The following OTUD5 variants were observed in gnomAD, a reference collection of about 807,000 sequenced individuals.
The protein encoded by OTUD5 is OTU deubiquitinase 5.
OTUD5 carries 2 observed loss-of-function variants against 36.3 expected under a neutral mutation model. That is an observed-to-expected ratio of 0.06 (90% CI 0.02 to 0.17). The LOEUF (loss-of-function observed/expected upper bound fraction) is 0.17, where lower values mean the gene tolerates loss of function less well. Ranked by LOEUF, OTUD5 falls within the 10% of genes least tolerant of loss-of-function variation. The pLI is 1.00. For synonymous variants in OTUD5, 234 were observed against 214.9 expected, an observed-to-expected ratio of 1.09 and a Z score of -0.78; for missense variants, 233 against 512.3, an observed-to-expected ratio of 0.45 and a Z score of 5.26.
At chrX:48,954,374 C>G (rs369825439) in intron 1 of OTUD5, among the ~76,000 whole-genome samples, 2 of 110,411 alleles carry the variant, frequency 1.8e-5, no homozygotes, top group Admixed American at 1.9e-4. Context: ...TCCCTGGGAC[C>G]AGGGATGTAT....
At chrX:48,949,704 T>C (rs182537111) in intron 1 of OTUD5, among the ~76,000 whole-genome samples, 5 of 109,487 alleles carry the variant, frequency 4.6e-5, no homozygotes, top group Admixed American at 2.9e-4. Flanking sequence ...ACACCAAAAA[T>C]TAACCGGGCA....
intron 1 of OTUD5, among the ~76,000 whole-genome samples, chrX:48,952,097 A>T (rs2064157946): frequency 8.9e-6 from 1 of 112,023 alleles, no homozygotes; most frequent in African/African-American, 3.2e-5. Flanking sequence ...AAAAACAAAA[A>T]AACCCAAGGT....
At chrX:48,935,064 G>A in intron 2 of OTUD5, 46 bp from the exon 3 acceptor site, 9 of 1,072,948 alleles carry the variant, frequency 8.4e-6, no homozygotes, top group South Asian at 1.9e-5. Flanking sequence ...AGATGCCAGA[G>A]AAGAGCTCTG....
At chrX:48,938,592 G>C (rs2063867549) in intron 2 of OTUD5, among the ~76,000 whole-genome samples, 1 of 110,613 alleles carries the variant, frequency 9.0e-6, no homozygotes, top group South Asian at 3.9e-4. Flanking sequence ...TATTTGGGAG[G>C]CTGAGGCAGA....
rs1277526644 is a variant in OTUD5, at chrX:48,924,152, G to T, written c.1264-100C>A. 8 of 781,381 alleles carry T rather than the reference G, an allele frequency of 1.0e-5. No individual in the cohort carries two copies. The East Asian group carries it at 2.4e-4, about 24-fold the overall frequency. The allele number at this position is 781,381 out of a possible 1,213,427, so 64.4% of individuals were successfully genotyped here. A position where few individuals can be genotyped will look rare whatever the true frequency, so the allele number is the denominator to read the frequency against. On this transcript the variant is annotated intron_variant, in intron 6 of 8. Transcript: ENST00000376488. ...GCTCCCTTCCCAGGACCTTGGCTAT[G>T]ATACAGCTTCTATGTAGGTCAACAT...
chrX:48,923,779 C>G (rs1557046967), intron 7 of OTUD5, 33 bp from the exon 8 acceptor site: 10 of 1,180,276 alleles, frequency 8.5e-6, no homozygotes, highest in Non-Finnish European at 1.1e-5. Flanking sequence ...GGTAGGGACC[C>G]AGGATCCAGG....
chrX:48,948,039 AC>A (rs1344658375), intron 1 of OTUD5, among the ~76,000 whole-genome samples: 1 of 112,657 alleles, frequency 8.9e-6, no homozygotes, highest in African/African-American at 3.2e-5. Context: ...AGGAAACATT[AC>A]CCTCACTTTA....
chrX:48,951,353 G>A (rs1435847561), intron 1 of OTUD5, among the ~76,000 whole-genome samples: 4 of 112,185 alleles, frequency 3.6e-5, no homozygotes, highest in African/African-American at 9.7e-5. Context: ...GGTGGCTCAC[G>A]CCTGTAATCC....
rs1372031642 is a variant in OTUD5 at position 48,947,329 on chromosome X, G to C, written c.595-3046C>G. Among the ~76,000 whole-genome samples the C allele has an allele frequency of 2.8e-4, 31 of 110,672 alleles. No individual in the cohort carries two copies. The Admixed American group carries it at 3.0e-3, about 11-fold the overall frequency. On this transcript the variant is annotated intron_variant, in intron 1 of 8. Transcript: ENST00000376488. ...GAACCTGGGAGACAGAAGTTGCAGT[G>C]AGCCGGGATCATACCACTGTATTCT...
At chrX:48,941,432 CAAAAAAAAAAAAAAAAAAAAAAAAAAAA>C (rs200040194) in intron 2 of OTUD5, among the ~76,000 whole-genome samples, 2 of 31,928 alleles carry the variant, frequency 6.3e-5, no homozygotes, top group Non-Finnish European at 1.0e-4. Context: ...GACTCCATCT[CAAAAAAAAAAAAAAAAAAAAAAAAAAAA>C]AAAAAAAAAA....
chrX:48,924,239 CT>C (rs2063628509), intron 6 of OTUD5, among the ~76,000 whole-genome samples, 187 bp from the exon 7 acceptor site: 1 of 111,450 alleles, frequency 9.0e-6, no homozygotes, highest in Admixed American at 9.5e-5. Flanking sequence ...GCTCCTTACC[CT>C]TTCTCTCACA....
At chrX:48,944,150 G>A in intron 2 of OTUD5, 40 bp downstream of exon 2, 1 of 986,010 alleles carries the variant, frequency 1.0e-6, no homozygotes, top group Non-Finnish European at 1.4e-6. Flanking sequence ...CACAGCTTAG[G>A]GGCAGCCCTA....
chrX:48,922,520 A>G lies in OTUD5; in HGVS notation c.*654T>C, dbSNP rs1394290982. 3 of 753,368 alleles carry G rather than the reference A, an allele frequency of 4.0e-6. No individual in the cohort carries two copies. 62.1% of individuals were successfully genotyped at this position (753,368 alleles called of 1,213,427 possible). ...CGGCCTCCATGCAGCTGGAGGCCAG[A>G]AGACAGCAACCCATATCTTTGCACC... On this transcript the variant is annotated 3_prime_UTR_variant, in exon 9 of 9. Coordinates refer to ENST00000376488, the MANE Select transcript of OTUD5 (RefSeq NM_001136157.2).
chrX:48,951,622 A>AAC (rs1255122667), intron 1 of OTUD5, among the ~76,000 whole-genome samples: 4 of 110,442 alleles, frequency 3.6e-5, no homozygotes, highest in Non-Finnish European at 7.6e-5. Flanking sequence ...CTCAAAAAAA[A>AAC]ACACACACAG....
chrX:48,930,943 C>T (rs1602380496), intron 5 of OTUD5, among the ~76,000 whole-genome samples: 1 of 101,606 alleles, frequency 9.8e-6, no homozygotes, highest in African/African-American at 3.7e-5. Context: ...GCCTGGGCAA[C>T]AAGAGCGAAA....
intron 5 of OTUD5, among the ~76,000 whole-genome samples, chrX:48,933,137 G>A (rs2063781755): frequency 1.8e-5 from 2 of 111,961 alleles, no homozygotes; most frequent in South Asian, 7.3e-4. Context: ...AAGGCAAAAC[G>A]AGAGTCAGTA....
At chrX:48,946,987 T>C (rs899434859) in intron 1 of OTUD5, among the ~76,000 whole-genome samples, 1 of 112,230 alleles carries the variant, frequency 8.9e-6, no homozygotes, top group Non-Finnish European at 1.9e-5. Context: ...GTCTCCACTC[T>C]TGATAAGCTC....
At chrX:48,955,030 G>A (rs2064212129) in intron 1 of OTUD5, among the ~76,000 whole-genome samples, 1 of 111,993 alleles carries the variant, frequency 8.9e-6, no homozygotes, top group Admixed American at 9.4e-5. Context: ...GCCTGGTGTG[G>A]TAGGAGGAGA....
At chrX:48,933,156 G>A (rs1312170348) in intron 5 of OTUD5, among the ~76,000 whole-genome samples, 1 of 111,371 alleles carries the variant, frequency 9.0e-6, no homozygotes, top group Non-Finnish European at 1.9e-5. Flanking sequence ...TAAACAGATC[G>A]AATACAAAAA....
Sources: gnomAD v4.1 joint callset for allele counts (sites outside exome capture counted in the v4.1 genomes callset) on GRCh38, gnomAD v4.1.1 for gene constraint, MANE v1.5 for transcripts, NCBI Gene and HGNC (gene_info 2026-07-23, HGNC 2026-07-21) for gene names.